The following GNG12 variants were observed in gnomAD, a reference collection of about 807,000 sequenced individuals.
GNG12 encodes the protein G protein subunit gamma 12.
For synonymous variants in GNG12, 28 were observed against 29.7 expected (o/e 0.94, Z 0.19); for missense variants, 69 against 83.8 (o/e 0.82, Z 0.69).
intron 1 of GNG12, among the ~76,000 whole-genome samples, chr1:67,803,418 A>T (rs561097427): frequency 1.3e-5 from 2 of 152,328 alleles, no homozygotes; most frequent in East Asian, 3.9e-4. Context: ...TGACAATGAA[A>T]AAAAGGTTGA....
At chr1:67,737,864 C>A (rs1310749307) in intron 2 of GNG12, among the ~76,000 whole-genome samples, 1 of 152,192 alleles carries the variant, frequency 6.6e-6, no homozygotes, top group Non-Finnish European at 1.5e-5. Flanking sequence ...TGTCCACTCC[C>A]CTTACCATTC....
rs113889423 is a variant in GNG12 at position 67,717,149 on chromosome 1, A to G, written c.-26-9437T>C. 4.9e-3 allele frequency among the ~76,000 whole-genome samples: 752 copies of G among 152,282 alleles called. 6 individuals are homozygous for G. Among genetic ancestry groups the G allele is most frequent in the Non-Finnish European group, 9.0e-3 (611 of 68,022 alleles). ...GTCCTCTGAAGAAATGGCTTATGGT[A>G]TGATCAGAGTCTCCGCCTCTTGATC... On this transcript the variant is annotated intron_variant, in intron 2 of 3. Coordinates refer to ENST00000370982, the MANE Select transcript of GNG12 (RefSeq NM_018841.6).
intron 3 of GNG12, among the ~76,000 whole-genome samples, chr1:67,706,656 C>CTTT (rs60300759): frequency 7.1e-6 from 1 of 141,230 alleles, no homozygotes; most frequent in Admixed American, 6.9e-5. Context: ...TCTTTTCTTT[C>CTTT]TTTTTTTTTT....
Position 67,705,439 on chromosome 1 carries a change from T to C in GNG12, c.*12A>G. On this transcript the variant is annotated 3_prime_UTR_variant, in exon 4 of 4. Coordinates refer to ENST00000370982, the MANE Select transcript of GNG12 (RefSeq NM_018841.6). ...TTGTTGGGAAGAGGCGAGGAGCTGT[T>C]TCTCTATTCCACTATAAGATGATGC... The C allele has an allele frequency of 6.2e-7, 1 of 1,612,766 alleles. No homozygotes were observed. Among genetic ancestry groups the C allele is most frequent in the Non-Finnish European group, 8.5e-7 (1 of 1,179,612 alleles).
chr1:67,779,787 T>C (rs1646726941), intron 1 of GNG12, among the ~76,000 whole-genome samples: 1 of 152,184 alleles, frequency 6.6e-6, no homozygotes, highest in Admixed American at 6.5e-5. Context: ...GGGGACTTCA[T>C]CGTGTGAATA....
intron 2 of GNG12, among the ~76,000 whole-genome samples, chr1:67,762,748 G>T (rs1322005028): frequency 6.6e-6 from 1 of 151,592 alleles, no homozygotes; most frequent in African/African-American, 2.4e-5. Context: ...TGAAAAATTT[G>T]TAAAATATAA....
intron 1 of GNG12, among the ~76,000 whole-genome samples, chr1:67,798,563 CA>C (rs1381037916): frequency 6.6e-6 from 1 of 152,148 alleles, no homozygotes; most frequent in Non-Finnish European, 1.5e-5. Context: ...CACCCCGAGA[CA>C]GCGAGACAAA....
intron 2 of GNG12, among the ~76,000 whole-genome samples, chr1:67,774,824 T>C (rs1015501951): frequency 1.3e-5 from 2 of 152,190 alleles, no homozygotes; most frequent in African/African-American, 2.4e-5. Context: ...AGGTACATTT[T>C]AACCAGGCAT....
intron 1 of GNG12, among the ~76,000 whole-genome samples, chr1:67,811,864 G>C (rs1444440288): frequency 6.6e-6 from 1 of 152,160 alleles, no homozygotes; most frequent in African/African-American, 2.4e-5. Flanking sequence ...TTGATGTAGA[G>C]GCTATAACCA....
At chr1:67,761,396 G>A (rs1646603637) in intron 2 of GNG12, among the ~76,000 whole-genome samples, 1 of 152,192 alleles carries the variant, frequency 6.6e-6, no homozygotes, top group South Asian at 2.1e-4. Context: ...TCACTCAGCT[G>A]TAGCATCCTG....
At chr1:67,771,344 AT>A (rs1646673404) in intron 2 of GNG12, among the ~76,000 whole-genome samples, 1 of 152,362 alleles carries the variant, frequency 6.6e-6, no homozygotes, top group South Asian at 2.1e-4. Context: ...TATTTGACAG[AT>A]AAGAAAACTG....
chr1:67,743,602 T>C (rs1000783404), intron 2 of GNG12, among the ~76,000 whole-genome samples: 2 of 152,196 alleles, frequency 1.3e-5, no homozygotes, highest in African/African-American at 2.4e-5. Flanking sequence ...TTGGGTTTAC[T>C]CACACCTGCC....
intron 3 of GNG12, 59 bp downstream of exon 3, chr1:67,707,535 C>G (rs568794650): frequency 1.1e-6 from 1 of 911,072 alleles, no homozygotes; most frequent in African/African-American, 1.7e-5. Flanking sequence ...AGTGGTCCAG[C>G]CACAAGGAAC....
rs746565686 is a variant in GNG12, at chr1:67,766,605, GT to G, written c.-27+10852del. Among the ~76,000 whole-genome samples the G allele has an allele frequency of 6.7e-3, 926 of 138,632 alleles. 6 individuals are homozygous for G. The highest frequency in any genetic ancestry group is 0.021 in the African/African-American group (800 of 37,924). 90.9% of individuals were successfully genotyped at this position (138,632 alleles called of 152,430 possible). ...TACACTTTCAAGAATATATGTTGGTGTTTTTTTTTTTTTTTTCCAGGAGAAT... is the reference window on the plus strand; with the variant it reads ...TACACTTTCAAGAATATATGTTGGTGTTTTTTTTTTTTTTTCCAGGAGAAT... On this transcript the variant is annotated intron_variant, in intron 2 of 3. Transcript: ENST00000370982.
At chr1:67,757,324 G>A (rs891989292) in intron 2 of GNG12, among the ~76,000 whole-genome samples, 21 of 152,172 alleles carry the variant, frequency 1.4e-4, no homozygotes, top group African/African-American at 4.8e-4. Context: ...GAATTTTGGA[G>A]GATTTCAGAT....
chr1:67,797,675 C>T (rs572155521), intron 1 of GNG12, among the ~76,000 whole-genome samples: 16 of 152,314 alleles, frequency 1.1e-4, no homozygotes, highest in African/African-American at 3.6e-4. Context: ...CCCAGTTAAA[C>T]TCTCTACACT....
intron 1 of GNG12, among the ~76,000 whole-genome samples, chr1:67,803,984 A>G (rs1052973545): frequency 1.3e-5 from 2 of 152,226 alleles, no homozygotes; most frequent in African/African-American, 4.8e-5. Flanking sequence ...TCTAGACAAC[A>G]GGATGGATGG....
chr1:67,785,212 C>T (rs569994784), intron 1 of GNG12, among the ~76,000 whole-genome samples: 1 of 152,266 alleles, frequency 6.6e-6, no homozygotes, highest in Admixed American at 6.5e-5. Flanking sequence ...ACTGGAGGAT[C>T]TCAAGAAATG....
chr1:67,786,724 C>G (rs965510646), intron 1 of GNG12, among the ~76,000 whole-genome samples: 16 of 151,988 alleles, frequency 1.1e-4, no homozygotes, highest in Non-Finnish European at 2.4e-4. Flanking sequence ...GGGTTCGAGA[C>G]CAGCCTGGGC....
Sources: allele counts gnomAD v4.1 joint callset (sites outside exome capture counted in the v4.1 genomes callset), GRCh38; gene constraint gnomAD v4.1.1; transcripts MANE v1.5; gene names NCBI Gene and HGNC (gene_info 2026-07-23, HGNC 2026-07-21).